EMC1: variants seen among roughly 807,000 people sequenced by gnomAD.
The protein encoded by EMC1 is KIAA0090.
Under a neutral mutation model 128.8 loss-of-function variants are expected in EMC1, and 103 were observed. That is an observed-to-expected ratio of 0.80 (90% CI 0.68 to 0.94). The LOEUF (loss-of-function observed/expected upper bound fraction) is 0.94, where lower values mean the gene tolerates loss of function less well. Ranked by LOEUF, EMC1 falls within the 40% of genes least tolerant of loss-of-function variation. The pLI is 0.00. For missense variants in EMC1, 1,083 were observed against 1,250.6 expected (o/e 0.87, Z 2.02); for synonymous variants, 442 against 490.4 (o/e 0.90, Z 1.30).
chr1:19,227,471 C>G, intron 17 of EMC1, 21 bp from the exon 18 acceptor site: 2 of 1,613,976 alleles, frequency 1.2e-6, no homozygotes, highest in Non-Finnish European at 1.7e-6. Context: ...GGCAAAAAAG[C>G]CTGTAATCAG....
chr1:19,227,305 G>T lies in EMC1; in HGVS notation c.2202+8C>A. The stretch of plus-strand genomic sequence containing the variant: ...CTTGCTGTAGACCAGACAGCTGGCT[G>T]TATGTACCTTGTAGAGCACACTGCG... On this transcript the variant is annotated splice_region_variant and intron_variant, in intron 18 of 22. Coordinates refer to ENST00000477853, the MANE Select transcript of EMC1 (RefSeq NM_015047.3). The T allele has an allele frequency of 6.2e-7, 1 of 1,614,086 alleles. No individual in the cohort carries two copies. Among genetic ancestry groups the T allele is most frequent in the Non-Finnish European group, 8.5e-7 (1 of 1,179,938 alleles).
intron 4 of EMC1, among the ~76,000 whole-genome samples, chr1:19,242,790 C>T (rs752117377): frequency 4.6e-5 from 7 of 152,222 alleles, no homozygotes; most frequent in Non-Finnish European, 1.0e-4. Flanking sequence ...CATTACTGTG[C>T]TACCTGCCTG....
chr1:19,229,731 C>A (rs1175641774), intron 17 of EMC1, among the ~76,000 whole-genome samples: 5 of 152,212 alleles, frequency 3.3e-5, no homozygotes, highest in Admixed American at 6.5e-5. Flanking sequence ...ATTTTCAAAA[C>A]AACAGCACCT....
At chr1:19,237,406 T>G (rs16862632) in intron 11 of EMC1, among the ~76,000 whole-genome samples, 168 bp from the exon 12 acceptor site, 17,944 of 152,166 alleles carry the variant, frequency 0.12, 1,154 homozygotes, top group African/African-American at 0.16. Flanking sequence ...ATACATATTC[T>G]TAGGAGCCAA....
intron 4 of EMC1, among the ~76,000 whole-genome samples, chr1:19,242,763 C>T (rs1376456284): frequency 6.6e-6 from 1 of 152,232 alleles, no homozygotes; most frequent in African/African-American, 2.4e-5. Flanking sequence ...TGCCACATAT[C>T]CATGAGACAG....
At position 19,244,020 on chromosome 1, in the gene EMC1, G is replaced by C. The variant is rs777932462; in HGVS notation, c.221-5C>G. ...CCTTGTCAACATGGCGCCACACTGA[G>C]AGACATGAAAGTTAGACATTACTAT... On this transcript the variant is annotated splice_polypyrimidine_tract_variant and splice_region_variant and intron_variant, in intron 2 of 22. Transcript: ENST00000477853. 42 of 1,613,896 alleles carry C rather than the reference G, an allele frequency of 2.6e-5. No individual in the cohort carries two copies. The highest frequency in any genetic ancestry group is 4.0e-5 in the African/African-American group (3 of 74,900).
At chr1:19,242,590 A>G in intron 4 of EMC1, 117 bp from the exon 5 acceptor site, 1 of 1,102,768 alleles carries the variant, frequency 9.1e-7, no homozygotes, top group Non-Finnish European at 1.3e-6. Context: ...TTTGGGGTCA[A>G]ACACAGCTGG....
At position 19,240,385 on chromosome 1, in the gene EMC1, G is replaced by A; in HGVS notation, c.698C>T (p.Ala233Val). Reference protein sequence around the residue: ...LSGACGVVDEAVLVCPDPSSR... With the variant: ...LSGACGVVDEVVLVCPDPSSR... ...GCTCGGGTCAGGACACACCAGGACAGCCTCATCCACCACACCACAGGCTCC... is the reference window on the plus strand; with the variant it reads ...GCTCGGGTCAGGACACACCAGGACAACCTCATCCACCACACCACAGGCTCC... Residue 233 changes from alanine to valine, a missense_variant, in exon 7 of 23, where the codon GCT (alanine) becomes GTT (valine). By Grantham distance (64) the Ala-to-Val change is moderately conservative. Coordinates refer to ENST00000477853, the MANE Select transcript of EMC1 (RefSeq NM_015047.3). The A allele has an allele frequency of 3.7e-6, 6 of 1,614,208 alleles. No individual in the cohort carries two copies. The highest frequency in any genetic ancestry group is 5.1e-6 in the Non-Finnish European group (6 of 1,180,018).
rs2093521016 is a variant in EMC1 at position 19,231,438 on chromosome 1, T to C, written c.1783-16A>G. ...TTCCCGACTCCTAAAATGAGCAAAC[T>C]GTCAGGCTCCACCAACAAGAAAAGA... On this transcript the variant is annotated splice_polypyrimidine_tract_variant and intron_variant, in intron 15 of 22. Transcript: ENST00000477853. The C allele has an allele frequency of 6.2e-7, 1 of 1,607,894 alleles. No homozygotes were observed. The highest frequency in any genetic ancestry group is 2.2e-5 in the East Asian group (1 of 44,716).
intron 8 of EMC1, 42 bp from the exon 9 acceptor site, chr1:19,239,344 A>G (rs1257687872): frequency 4.5e-6 from 7 of 1,564,634 alleles, no homozygotes; most frequent in Non-Finnish European, 6.2e-6. Context: ...TGGGACCAGT[A>G]CTAGCCAGCT....
chr1:19,222,342 C>A (rs1355548832), intron 20 of EMC1, among the ~76,000 whole-genome samples: 1 of 150,592 alleles, frequency 6.6e-6, no homozygotes, highest in Non-Finnish European at 1.5e-5. Flanking sequence ...GAGGTTGAGG[C>A]TGCAGTGAGT....
In EMC1 at chr1:19,231,355, G is replaced by A. The variant is rs565316334; in HGVS notation, c.1850C>T (p.Pro617Leu). The change falls in exon 16 of 23, where the codon CCA becomes CTA. Residue 617 changes from proline (P) to leucine (L), a missense_variant. Physicochemically the swap from Pro to Leu is moderately conservative, Grantham distance 98. Coordinates refer to ENST00000477853, the MANE Select transcript of EMC1 (RefSeq NM_015047.3). ...IFGKWSQVAP[P>L]VLKRPILQSL... ...CTGCAAGATGGGGCGCTTCAGCACT[G>A]GGGGAGCTACCTGACTCCACTTCCC... is the stretch of plus-strand genomic sequence containing the variant. The A allele has an allele frequency of 2.5e-6, 4 of 1,612,634 alleles. No homozygotes were observed. The highest frequency in any genetic ancestry group is 3.4e-6 in the Non-Finnish European group (4 of 1,179,660).
chr1:19,241,149 G>A lies in EMC1; in HGVS notation c.510-7C>T. 6.2e-7 allele frequency: 1 copy of A among 1,613,860 alleles called. No homozygotes were observed. The highest frequency in any genetic ancestry group is 1.3e-5 in the African/African-American group (1 of 75,032). On this transcript the variant is annotated splice_region_variant and splice_polypyrimidine_tract_variant and intron_variant, in intron 5 of 22. Coordinates refer to ENST00000477853, the MANE Select transcript of EMC1 (RefSeq NM_015047.3). The stretch of plus-strand genomic sequence containing the variant: ...CTGGTAGTGGATGCTGTCACTAAGA[G>A]AGGGAAGAAGAAACCGCAGCGTCAG...
Position 19,251,510 on chromosome 1 carries a change from GATGCGAGCGC to G in EMC1, c.-11_-2del, listed in dbSNP as rs1175824497. The G allele has an allele frequency of 3.1e-6, 5 of 1,613,912 alleles. No individual in the cohort carries two copies. The highest frequency in any genetic ancestry group is 4.2e-6 in the Non-Finnish European group (5 of 1,179,972). ...AACGAGAAGCCCACTCAGCCGCCAT[GATGCGAGCGC>G]ATGCACCACCCACCGCCGTCCCGGC... is the stretch of plus-strand genomic sequence containing the variant. On this transcript the variant is annotated 5_prime_UTR_variant, in exon 1 of 23. It removes an upstream start codon present in the reference 5' UTR. Transcript: ENST00000477853.
Position 19,217,383 on chromosome 1 carries a change from A to C in EMC1, c.*1920T>G, listed in dbSNP as rs2093402611. On this transcript the variant is annotated 3_prime_UTR_variant, in exon 23 of 23. Coordinates refer to ENST00000477853, the MANE Select transcript of EMC1 (RefSeq NM_015047.3). ...GCCAACACAATGAAACCCCGTCTCT[A>C]CTAAAAATACAAAAAATTAGCTGAG... The C allele has an allele frequency of 6.6e-6, 1 of 152,264 alleles. No homozygotes were observed. The highest frequency in any genetic ancestry group is 2.4e-5 in the African/African-American group (1 of 41,428). The allele number at this position is 152,264 out of a possible 1,614,324, so 9.4% of individuals were successfully genotyped here.
rs531943406 is a variant in EMC1 at position 19,232,835 on chromosome 1, C to T, written c.1633-62G>A. ...AGAGAAACCAAAGAACTGAGTCTGT[C>T]CTTGAAAACTAGAACCAGTGTTATC... On this transcript the variant is annotated intron_variant, in intron 14 of 22. Coordinates refer to ENST00000477853, the MANE Select transcript of EMC1 (RefSeq NM_015047.3). The T allele has an allele frequency of 3.8e-5, 61 of 1,608,534 alleles. No homozygotes were observed. In the East Asian group the frequency reaches 1.3e-3, roughly 34 times the overall value.
intron 18 of EMC1, 66 bp downstream of exon 18, chr1:19,227,247 A>G: frequency 6.3e-7 from 1 of 1,585,018 alleles, no homozygotes; most frequent in Non-Finnish European, 8.6e-7. Context: ...CTACAGCCAG[A>G]CTTGAAGCCC....
At chr1:19,244,095 C>T in intron 2 of EMC1, 80 bp from the exon 3 acceptor site, 1 of 1,375,392 alleles carries the variant, frequency 7.3e-7, no homozygotes, top group Non-Finnish European at 1.0e-6. Flanking sequence ...AAGAGCTCTT[C>T]ATTTGCACAG....
Position 19,223,706 on chromosome 1 carries a change from G to A in EMC1, c.2203-137C>T, listed in dbSNP as rs867813096. On this transcript the variant is annotated intron_variant, in intron 18 of 22. Transcript: ENST00000477853. ...TCTGGTGAAAAGAGCTTCCTGTTTG[G>A]AATTTCTCATCACTGCACTTGTTTT... 25 of 728,662 alleles carry A rather than the reference G, an allele frequency of 3.4e-5. No individual in the cohort carries two copies. The South Asian group carries it at 4.7e-4, about 14-fold the overall frequency. 45.1% of individuals were successfully genotyped at this position (728,662 alleles called of 1,614,324 possible).
Sources: allele counts gnomAD v4.1 joint callset (sites outside exome capture counted in the v4.1 genomes callset), GRCh38; gene constraint gnomAD v4.1.1; transcripts MANE v1.5; gene names NCBI Gene and HGNC (gene_info 2026-07-23, HGNC 2026-07-21).